The following NEMP2 variants were observed in gnomAD, a reference collection of about 807,000 sequenced individuals.
NEMP2 encodes UPF0571 transmembrane protein.
A neutral mutation model predicts 54.2 loss-of-function variants in NEMP2; 53 were observed. The observed-to-expected ratio is 0.98, with a 90% CI of 0.78 to 1.23. NEMP2 has a LOEUF of 1.23. Ranked by LOEUF, NEMP2 falls within the 50% of genes most tolerant of loss-of-function variation. The probability of loss-of-function intolerance (pLI) is 0.00; values close to 1 mark genes in which losing one functional copy is unlikely to be tolerated. For synonymous variants in NEMP2, 197 were observed against 190.3 expected (o/e 1.04, Z -0.29); for missense variants, 455 against 511.3 (o/e 0.89, Z 1.06).
At chr2:190,477,431 A>C in the NEMP2 span, 2 of 898,082 alleles carry the variant, frequency 2.2e-6, no homozygotes, top group Non-Finnish European at 2.7e-6. Flanking sequence ...CATGCATATA[A>C]CTTTTTTATC....
chr2:190,468,785 G>C, the NEMP2 span, among the ~76,000 whole-genome samples: 2 of 152,170 alleles, frequency 1.3e-5, no homozygotes, highest in African/African-American at 2.4e-5. Flanking sequence ...TAAAAAGCAA[G>C]ATTAGGAAAA....
the NEMP2 span, among the ~76,000 whole-genome samples, chr2:190,586,941 G>C: frequency 6.6e-6 from 1 of 152,014 alleles, no homozygotes; most frequent in African/African-American, 2.4e-5. The surrounding 1 kb of genome is among the most constrained non-coding windows in gnomAD (Gnocchi z 4.5). Context: ...TTCTCCTCTT[G>C]TGAGAATTTT....
At chr2:190,645,952 G>A in the NEMP2 span, among the ~76,000 whole-genome samples, 1 of 152,144 alleles carries the variant, frequency 6.6e-6, no homozygotes, top group Non-Finnish European at 1.5e-5. Context: ...AAAGCCCTGC[G>A]GGCAGGGAAC....
At chr2:190,604,551 A>G in the NEMP2 span, among the ~76,000 whole-genome samples, 1 of 152,142 alleles carries the variant, frequency 6.6e-6, no homozygotes, top group Non-Finnish European at 1.5e-5. This position sits in a 1 kb window ranked among gnomAD's most constrained non-coding sequence, Gnocchi z 4.5. Context: ...GCTGAACACA[A>G]CCTTGAAGAC....
At chr2:190,648,039 C>G in the NEMP2 span, among the ~76,000 whole-genome samples, 47,309 of 152,072 alleles carry the variant, frequency 0.31, 7,844 homozygotes, top group South Asian at 0.42. Context: ...TGCTTTAATA[C>G]TTTGGTTAGC....
At position 190,509,946 on chromosome 2, in the gene NEMP2, CA is replaced by C. The variant is rs1690298529; in HGVS notation, c.1130+414del. ...ATCCCAGCTACTCAAGTGGCTGAGGCAGGAGAATTGCTTGAACCTGGCAGGC... is the reference window on the plus strand; with the variant it reads ...ATCCCAGCTACTCAAGTGGCTGAGGCGGAGAATTGCTTGAACCTGGCAGGC... On this transcript the variant is annotated intron_variant, in intron 8 of 8. Coordinates refer to ENST00000409150, the MANE Select transcript of NEMP2 (RefSeq NM_001142645.2). The surrounding 1 kb of genome is among the most constrained non-coding windows in gnomAD (Gnocchi z 6.1). 6.6e-6 allele frequency among the ~76,000 whole-genome samples: 1 copy of C among 152,240 alleles called. No homozygotes were observed. The highest frequency in any genetic ancestry group is 1.5e-5 in the Non-Finnish European group (1 of 68,034).
chr2:190,582,040 G>T, the NEMP2 span, among the ~76,000 whole-genome samples: 2 of 152,280 alleles, frequency 1.3e-5, no homozygotes, highest in South Asian at 2.1e-4. This position sits in a 1 kb window ranked among gnomAD's most constrained non-coding sequence, Gnocchi z 4.6. Context: ...AGAGGTCATA[G>T]GTTGCTGGAT....
At chr2:190,432,840 ACT>A in the NEMP2 span, among the ~76,000 whole-genome samples, 197 of 136,684 alleles carry the variant, frequency 1.4e-3, 1 homozygote, top group East Asian at 0.012. Flanking sequence ...ACACACACAC[ACT>A]CTCTCTCTCT....
chr2:190,593,214 G>A, the NEMP2 span, among the ~76,000 whole-genome samples: 10 of 152,322 alleles, frequency 6.6e-5, no homozygotes, highest in African/African-American at 2.4e-4. The surrounding 1 kb of genome is among the most constrained non-coding windows in gnomAD (Gnocchi z 4.5). Flanking sequence ...TAGCTTCTCT[G>A]CTTAGATGCT....
chr2:190,621,096 G>T, the NEMP2 span, among the ~76,000 whole-genome samples: 294 of 152,270 alleles, frequency 1.9e-3, 1 homozygote, highest in Non-Finnish European at 3.7e-3. Context: ...ACCATTGAAA[G>T]AAATTAAAGA....
At chr2:190,487,734 G>GAT in the NEMP2 span, among the ~76,000 whole-genome samples, 2 of 152,108 alleles carry the variant, frequency 1.3e-5, no homozygotes, top group Non-Finnish European at 2.9e-5. This position sits in a 1 kb window ranked among gnomAD's most constrained non-coding sequence, Gnocchi z 5.5. Context: ...ATTTTAAAAA[G>GAT]ATATATATAA....
downstream of NEMP2, chr2:190,499,957 A>G: frequency 6.2e-7 from 1 of 1,606,366 alleles, no homozygotes; most frequent in Non-Finnish European, 8.5e-7. The surrounding 1 kb of genome is among the most constrained non-coding windows in gnomAD (Gnocchi z 6.0). Context: ...GCATATATAA[A>G]AAGTTGGATT....
the NEMP2 span, among the ~76,000 whole-genome samples, chr2:190,555,659 A>G: frequency 6.6e-6 from 1 of 152,140 alleles, no homozygotes. This position sits in a 1 kb window ranked among gnomAD's most constrained non-coding sequence, Gnocchi z 4.8. Context: ...TCCAAGAAAT[A>G]TGGGACTTTG....
chr2:190,500,855 T>C (rs1049510199), downstream of NEMP2: 2 of 152,206 alleles, frequency 1.3e-5, no homozygotes, highest in Non-Finnish European at 2.9e-5. The surrounding 1 kb of genome is among the most constrained non-coding windows in gnomAD (Gnocchi z 5.3). Flanking sequence ...ATAATGGAAA[T>C]AATTCTTTGA....
the NEMP2 span, chr2:190,436,142 A>C: frequency 1.2e-6 from 2 of 1,614,250 alleles, no homozygotes; most frequent in South Asian, 1.1e-5. This position sits in a 1 kb window ranked among gnomAD's most constrained non-coding sequence, Gnocchi z 5.3. Flanking sequence ...CCACCTTCGA[A>C]TGAAACACCT....
the NEMP2 span, among the ~76,000 whole-genome samples, chr2:190,496,668 ATG>A: frequency 6.6e-6 from 1 of 151,574 alleles, no homozygotes; most frequent in African/African-American, 2.4e-5. This position sits in a 1 kb window ranked among gnomAD's most constrained non-coding sequence, Gnocchi z 4.7. Flanking sequence ...ATGTGTGTGT[ATG>A]TGTGTGTGTA....
At chr2:190,484,978 G>A in the NEMP2 span, among the ~76,000 whole-genome samples, 3 of 152,048 alleles carry the variant, frequency 2.0e-5, no homozygotes, top group East Asian at 5.8e-4. Context: ...TTTAAAGAAT[G>A]TAATTCCCAA....
the NEMP2 span, chr2:190,497,817 T>C: frequency 5.9e-5 from 82 of 1,389,596 alleles, 1 homozygote; most frequent in Middle Eastern, 3.7e-4. This position sits in a 1 kb window ranked among gnomAD's most constrained non-coding sequence, Gnocchi z 5.2. Flanking sequence ...ACAAGATTTA[T>C]TGAAAGTCTG....
chr2:190,632,104 T>A, the NEMP2 span, among the ~76,000 whole-genome samples: 1 of 152,270 alleles, frequency 6.6e-6, no homozygotes, highest in Middle Eastern at 3.4e-3. The surrounding 1 kb of genome is among the most constrained non-coding windows in gnomAD (Gnocchi z 4.8). Flanking sequence ...CACTATGGTC[T>A]TACTGGATCC....
Sources: allele counts gnomAD v4.1 joint callset (sites outside exome capture counted in the v4.1 genomes callset), GRCh38; gene constraint gnomAD v4.1.1; non-coding constraint Gnocchi (gnomAD v3.1); transcripts MANE v1.5; gene names NCBI Gene and HGNC (gene_info 2026-07-23, HGNC 2026-07-21).